Variants in ELAC2 observed in about 807,000 individuals in gnomAD.
The protein encoded by ELAC2 is elaC ribonuclease Z 2.
A neutral mutation model predicts 105.2 loss-of-function variants in ELAC2; 92 were observed. The observed-to-expected ratio is 0.87, with a 90% CI of 0.74 to 1.04. The LOEUF is 1.04. ELAC2 is among the 50% of genes least tolerant of loss of function. The pLI is 0.00. For missense variants in ELAC2, 1,099 were observed against 1,071.7 expected (o/e 1.03, Z -0.36); for synonymous variants, 468 against 409.1 (o/e 1.14, Z -1.74).
At chr17:12,995,166 A>G (rs759921340) in intron 19 of ELAC2, 104 bp from the exon 20 acceptor site, 1 of 1,184,988 alleles carries the variant, frequency 8.4e-7, no homozygotes, top group South Asian at 1.2e-5. Flanking sequence ...TTCTTAGGAG[A>G]AAACATGAGT....
chr17:13,010,725 A>T, intron 7 of ELAC2, 54 bp from the exon 8 acceptor site: 3 of 1,485,574 alleles, frequency 2.0e-6, no homozygotes, highest in Non-Finnish European at 1.9e-6. Context: ...CTGTGAAGAC[A>T]TCACAGACTG....
At position 13,002,382 on chromosome 17, in the gene ELAC2, A is replaced by G. The variant is rs770661308; in HGVS notation, c.1219-23T>C. On this transcript the variant is annotated intron_variant, in intron 13 of 23. Coordinates refer to ENST00000338034, the MANE Select transcript of ELAC2 (RefSeq NM_018127.7). ...CTTCTGAAAGAGACAAAACACATTC[A>G]TGGAGAGAAAGAGAGGGGACGAGAG... 7 of 1,614,164 alleles carry G rather than the reference A, an allele frequency of 4.3e-6. No homozygotes were observed. The South Asian group carries it at 6.6e-5, about 15-fold the overall frequency.
chr17:13,004,901 G>T, intron 11 of ELAC2, 88 bp downstream of exon 11: 1 of 1,078,884 alleles, frequency 9.3e-7, no homozygotes, highest in Non-Finnish European at 1.4e-6. Context: ...GGTCTTCCCA[G>T]AAACACAGCT....
chr17:13,017,064 G>A lies in ELAC2; in HGVS notation c.296+7C>T, dbSNP rs1039273114. ...ACTCCCCCTCCGAAAGCAAGAGACT[G>A]ACTCACTTGTGCTCCTGCATGAGTC... On this transcript the variant is annotated splice_region_variant and intron_variant, in intron 2 of 23. Transcript: ENST00000338034. 6.2e-7 allele frequency: 1 copy of A among 1,614,056 alleles called. No individual in the cohort carries two copies. The highest frequency in any genetic ancestry group is 8.5e-7 in the Non-Finnish European group (1 of 1,179,990).
intron 10 of ELAC2, 117 bp downstream of exon 10, chr17:13,005,636 T>C: frequency 9.7e-7 from 1 of 1,028,876 alleles, no homozygotes; most frequent in Non-Finnish European, 1.5e-6. Flanking sequence ...CTGAGTGATG[T>C]CCAAACTGTT....
Position 13,017,689 on chromosome 17 carries a change from G to C in ELAC2, c.245+14C>G, listed in dbSNP as rs368694405. On this transcript the variant is annotated intron_variant, in intron 1 of 23. Coordinates refer to ENST00000338034, the MANE Select transcript of ELAC2 (RefSeq NM_018127.7). ...TGAGGGCCCAGCGGGACGGGGCGTG[G>C]CTCGTTGACTGACCGGTTGAACTCG... The C allele has an allele frequency of 6.2e-7, 1 of 1,613,246 alleles. No homozygotes were observed. The highest frequency in any genetic ancestry group is 2.2e-5 in the East Asian group (1 of 44,862).
At chr17:13,006,041 A>C in intron 8 of ELAC2, 62 bp from the exon 9 acceptor site, 1 of 1,505,912 alleles carries the variant, frequency 6.6e-7, no homozygotes, top group East Asian at 2.3e-5. Context: ...GTTTTAATCA[A>C]TTTTCTTAGA....
intron 12 of ELAC2, 177 bp downstream of exon 12, chr17:13,003,302 T>G (rs1262060754): frequency 1.2e-5 from 8 of 674,002 alleles, no homozygotes; most frequent in Non-Finnish European, 1.9e-5. Context: ...GTGCATTTTC[T>G]TCACGAGTGT....
chr17:13,005,344 A>T (rs1234362052), intron 10 of ELAC2, among the ~76,000 whole-genome samples: 2 of 152,184 alleles, frequency 1.3e-5, no homozygotes, highest in Non-Finnish European at 2.9e-5. Context: ...CTTGGCATTA[A>T]GGTTTTCTTC....
intron 14 of ELAC2, among the ~76,000 whole-genome samples, chr17:13,001,990 C>T (rs2143602552): frequency 6.6e-6 from 1 of 152,322 alleles, no homozygotes; most frequent in Middle Eastern, 3.4e-3. Context: ...CACTGCTATT[C>T]CCATGCAAGG....
chr17:12,998,320 C>T (rs545507918), intron 16 of ELAC2, 92 bp downstream of exon 16: 155 of 1,224,856 alleles, frequency 1.3e-4, no homozygotes, highest in Admixed American at 7.7e-4. Context: ...CTTGATACCG[C>T]ATTTCAAATC....
At chr17:13,009,518 G>C (rs938369293) in intron 8 of ELAC2, among the ~76,000 whole-genome samples, 2 of 152,186 alleles carry the variant, frequency 1.3e-5, no homozygotes, top group Non-Finnish European at 2.9e-5. Flanking sequence ...CTAGGCCTTT[G>C]TGAATGCTAG....
chr17:13,013,356 G>A (rs201734747), intron 5 of ELAC2, 81 bp from the exon 6 acceptor site: 24 of 1,438,004 alleles, frequency 1.7e-5, no homozygotes, highest in Non-Finnish European at 2.2e-5. Context: ...CACCAACCAC[G>A]AGCAACTGAA....
chr17:13,006,326 G>C (rs993100063), intron 8 of ELAC2: 1 of 306,076 alleles, frequency 3.3e-6, no homozygotes, highest in Non-Finnish European at 6.3e-6. Context: ...CCGAGATCGC[G>C]CCATTGCACT....
Position 13,017,964 on chromosome 17 carries a change from A to C in ELAC2, c.-17T>G, listed in dbSNP as rs1317976162. 7.2e-6 allele frequency: 11 copies of C among 1,535,398 alleles called. No individual in the cohort carries two copies. The South Asian group carries it at 1.2e-4, about 17-fold the overall frequency. ...CGCCCACATGCGCCCGTCTCCACCAAAACTGAGAAAGCCGCCGGTCACCTA... is the reference window on the plus strand; with the variant it reads ...CGCCCACATGCGCCCGTCTCCACCACAACTGAGAAAGCCGCCGGTCACCTA... On this transcript the variant is annotated 5_prime_UTR_variant, in exon 1 of 24. Transcript: ENST00000338034.
In ELAC2 at chr17:12,995,795, C is replaced by A. The variant is rs760976860; in HGVS notation, c.1716G>T (p.Pro572=). The change falls in exon 19 of 24, where the codon CCG becomes CCT. Residue 572 remains proline (P), a synonymous_variant. Transcript: ENST00000338034. ...GGGCAACCACCAGCAAAGGGTGAAGCGGCTTTCCCAAAGATGCCTGGAACA... is the reference window on the plus strand; with the variant it reads ...GGGCAACCACCAGCAAAGGGTGAAGAGGCTTTCCCAAAGATGCCTGGAACA... ...RERALASLGK[P]LHPLLVVAPN... The A allele has an allele frequency of 1.1e-5, 17 of 1,611,584 alleles. No individual in the cohort carries two copies. The South Asian group carries it at 1.8e-4, about 17-fold the overall frequency.
intron 17 of ELAC2, chr17:12,996,344 A>C: frequency 1.3e-6 from 1 of 752,444 alleles, no homozygotes; most frequent in Admixed American, 2.2e-5. Context: ...TGCTGCAGGA[A>C]AGGAACTGAA....
intron 8 of ELAC2, among the ~76,000 whole-genome samples, chr17:13,009,154 CAGT>C (rs1182424446): frequency 1.3e-5 from 2 of 152,170 alleles, no homozygotes; most frequent in Non-Finnish European, 2.9e-5. Context: ...AGCCTGTTAA[CAGT>C]AGTACTTAAC....
At chr17:12,996,350 C>T (rs1379192554) in intron 17 of ELAC2, 197 bp downstream of exon 17, 2 of 786,416 alleles carry the variant, frequency 2.5e-6, no homozygotes, top group East Asian at 2.7e-5. Context: ...AGGAAAGGAA[C>T]TGAACAGGAA....
Sources: gnomAD v4.1 joint callset for allele counts (sites outside exome capture counted in the v4.1 genomes callset) on GRCh38, gnomAD v4.1.1 for gene constraint, MANE v1.5 for transcripts, NCBI Gene and HGNC (gene_info 2026-07-23, HGNC 2026-07-21) for gene names.